The following NBAS variants were observed in gnomAD, a reference collection of about 807,000 sequenced individuals.
NBAS encodes NBAS subunit of NRZ tethering complex.
A neutral mutation model predicts 302.5 loss-of-function variants in NBAS; 219 were observed. The ratio of observed to expected loss-of-function variants is 0.72; its 90% CI spans 0.65 to 0.81. NBAS has a LOEUF of 0.81. NBAS is among the 30% of genes least tolerant of loss of function. The probability of loss-of-function intolerance (pLI) is 0.00; values close to 1 mark genes in which losing one functional copy is unlikely to be tolerated. For missense variants in NBAS, 2,932 were observed against 2,841.6 expected (o/e 1.03, Z -0.72); for synonymous variants, 1,118 against 1,021.6 (o/e 1.09, Z -1.80).
chr2:15,177,312 G>A (rs1023514832), intron 51 of NBAS, among the ~76,000 whole-genome samples: 3 of 152,166 alleles, frequency 2.0e-5, no homozygotes, highest in Non-Finnish European at 4.4e-5. Flanking sequence ...GGGCACTGCA[G>A]TGTTACCATT....
chr2:15,369,708 G>C (rs1041307543), intron 31 of NBAS, among the ~76,000 whole-genome samples: 1 of 152,140 alleles, frequency 6.6e-6, no homozygotes, highest in Admixed American at 6.5e-5. Flanking sequence ...ACATGAAAAA[G>C]ATAGGCATGT....
intron 21 of NBAS, among the ~76,000 whole-genome samples, chr2:15,438,337 G>A (rs1476331291): frequency 6.6e-6 from 1 of 152,114 alleles, no homozygotes; most frequent in Non-Finnish European, 1.5e-5. Context: ...CATGACAACA[G>A]GGATAAGAAC....
Position 15,327,857 on chromosome 2 carries a change from T to C in NBAS, c.4475A>G (p.Tyr1492Cys), listed in dbSNP as rs1367003431. ...CACTGGAACATGCTGATAGGTGTCA[T>C]AGGTCCCTTCAGACTACACAAAAGA... ...NPFVAESEGT[Y>C]DTYQHVPVES... Residue 1492 changes from tyrosine to cysteine, a missense_variant, in exon 38 of 52, where the codon TAT (tyrosine) becomes TGT (cysteine). Coordinates refer to ENST00000281513, the MANE Select transcript of NBAS (RefSeq NM_015909.4). The C allele has an allele frequency of 2.5e-6, 4 of 1,613,506 alleles. No homozygotes were observed. The highest frequency in any genetic ancestry group is 3.3e-5 in the Admixed American group (2 of 59,954).
At chr2:15,066,696 G>A in the NBAS span, among the ~76,000 whole-genome samples, 1 of 152,058 alleles carries the variant, frequency 6.6e-6, no homozygotes, top group African/African-American at 2.4e-5. Flanking sequence ...AAAACAAAAG[G>A]TAAGTGTTGG....
intron 48 of NBAS, among the ~76,000 whole-genome samples, chr2:15,192,210 G>C (rs1003708996): frequency 6.7e-6 from 1 of 150,054 alleles, no homozygotes; most frequent in Non-Finnish European, 1.5e-5. Flanking sequence ...CATAAGAAAT[G>C]TTAGCTCCTT....
At chr2:15,485,189 A>G (rs1393826222) in intron 12 of NBAS, among the ~76,000 whole-genome samples, 1 of 152,148 alleles carries the variant, frequency 6.6e-6, no homozygotes, top group Non-Finnish European at 1.5e-5. Flanking sequence ...AGTTAAGCAT[A>G]TCTGAGAGAG....
chr2:15,440,601 A>T (rs550544380), intron 21 of NBAS, among the ~76,000 whole-genome samples: 5 of 152,114 alleles, frequency 3.3e-5, no homozygotes, highest in African/African-American at 9.7e-5. Context: ...AAGCAGAGCA[A>T]CTCTCCTCCT....
chr2:15,283,347 T>C (rs992117457), intron 42 of NBAS, among the ~76,000 whole-genome samples: 28 of 152,168 alleles, frequency 1.8e-4, no homozygotes, highest in Non-Finnish European at 2.4e-4. Flanking sequence ...TCTTGAATTA[T>C]AGTTCCCATA....
the NBAS span, among the ~76,000 whole-genome samples, chr2:15,146,878 G>A: frequency 6.6e-6 from 1 of 152,230 alleles, no homozygotes; most frequent in Non-Finnish European, 1.5e-5. Context: ...CACCTGCCAT[G>A]GGCAGGGGAC....
chr2:15,335,185 A>AT (rs1672524986), intron 35 of NBAS, among the ~76,000 whole-genome samples: 1 of 151,458 alleles, frequency 6.6e-6, no homozygotes, highest in African/African-American at 2.4e-5. Flanking sequence ...AAAAAAAAAA[A>AT]AAAAAAAAAA....
the NBAS span, among the ~76,000 whole-genome samples, chr2:15,098,304 T>TC: frequency 0.84 from 15,130 of 18,030 alleles, 7,211 homozygotes; most frequent in Middle Eastern, 0.92. Context: ...ATACAATATA[T>TC]AATATATTGT....
intron 12 of NBAS, among the ~76,000 whole-genome samples, chr2:15,484,052 T>A (rs960803063): frequency 6.6e-6 from 1 of 152,182 alleles, no homozygotes; most frequent in Non-Finnish European, 1.5e-5. Flanking sequence ...CTCAGTATTT[T>A]TCAAAGCTTG....
chr2:15,118,321 T>C, the NBAS span, among the ~76,000 whole-genome samples: 1 of 152,216 alleles, frequency 6.6e-6, no homozygotes, highest in African/African-American at 2.4e-5. Context: ...GAGAAAGTCT[T>C]TGTGTGGGTC....
intron 44 of NBAS, among the ~76,000 whole-genome samples, chr2:15,261,681 T>C (rs186455849): frequency 2.0e-5 from 3 of 152,320 alleles, no homozygotes; most frequent in Non-Finnish European, 4.4e-5. Flanking sequence ...AGTTTTTCAA[T>C]AGCTTGAAGG....
intron 44 of NBAS, among the ~76,000 whole-genome samples, chr2:15,261,173 TAA>T (rs1668835180): frequency 6.6e-6 from 1 of 152,234 alleles, no homozygotes. Flanking sequence ...GCTAATAGCC[TAA>T]CAGTCATCTC....
At chr2:15,356,191 C>T (rs1673608962) in intron 33 of NBAS, 112 bp downstream of exon 33, 1 of 835,762 alleles carries the variant, frequency 1.2e-6, no homozygotes, top group East Asian at 2.5e-5. Flanking sequence ...GTATCTCAAG[C>T]CTCAATGTGG....
chr2:14,876,381 T>C, the NBAS span, among the ~76,000 whole-genome samples: 1 of 152,216 alleles, frequency 6.6e-6, no homozygotes, highest in African/African-American at 2.4e-5. Context: ...AGTTTCCTTA[T>C]GTCTCCACTC....
downstream of NBAS, among the ~76,000 whole-genome samples, chr2:15,163,335 T>C (rs534941471): frequency 2.6e-5 from 4 of 152,312 alleles, no homozygotes; most frequent in Non-Finnish European, 4.4e-5. Flanking sequence ...CCTTTCATTT[T>C]CTGTGTGTTT....
At chr2:15,017,153 C>T in the NBAS span, among the ~76,000 whole-genome samples, 4 of 152,018 alleles carry the variant, frequency 2.6e-5, no homozygotes, top group Admixed American at 2.0e-4. Flanking sequence ...TCACCCTATA[C>T]AAAAATCATC....
Sources: allele counts gnomAD v4.1 joint callset (sites outside exome capture counted in the v4.1 genomes callset), GRCh38; gene constraint gnomAD v4.1.1; transcripts MANE v1.5; gene names NCBI Gene and HGNC (gene_info 2026-07-23, HGNC 2026-07-21).